STK24: variants seen among roughly 807,000 people sequenced by gnomAD.
STK24 encodes serine/threonine-protein kinase 24.
In STK24, 21 loss-of-function variants were observed where a neutral mutation model predicts 55.6. That is an observed-to-expected ratio of 0.38 (90% CI 0.27 to 0.54). The LOEUF is 0.54. Among genes scored for constraint, STK24 ranks in the 20% least tolerant of loss-of-function variants. The probability of loss-of-function intolerance (pLI) is 0.79; values close to 1 mark genes in which losing one functional copy is unlikely to be tolerated. For synonymous variants in STK24, 200 were observed against 215.2 expected (o/e 0.93, Z 0.62); for missense variants, 383 against 538.4 (o/e 0.71, Z 2.86).
chr13:98,575,561 G>A lies in STK24; in HGVS notation c.42+1184C>T, dbSNP rs140781473. Among the ~76,000 whole-genome samples the A allele has an allele frequency of 3.5e-3, 540 of 152,226 alleles. 2 individuals carry two copies. Among genetic ancestry groups the A allele is most frequent in the Non-Finnish European group, 5.9e-3 (404 of 68,008 alleles). ...TTTTTACGGTTTCAAAAAAAGAAGG[G>A]AGAGGGATGATCTCACTGGAAGAGG... On this transcript the variant is annotated intron_variant, in intron 1 of 10. Transcript: ENST00000539966.
chr13:98,508,874 A>G (rs1895784296), intron 2 of STK24: 1 of 151,120 alleles, frequency 6.6e-6, no homozygotes, highest in Non-Finnish European at 1.5e-5. Flanking sequence ...AGCTTTGCCA[A>G]TTTCAAAGCT....
At chr13:98,506,444 C>T (rs955954525) in intron 2 of STK24, among the ~76,000 whole-genome samples, 1 of 152,168 alleles carries the variant, frequency 6.6e-6, no homozygotes, top group Non-Finnish European at 1.5e-5. Context: ...GCAGTGCTAA[C>T]GAAGGAAGGT....
At chr13:98,472,349 C>G (rs988819391) in intron 5 of STK24, among the ~76,000 whole-genome samples, 19 of 152,192 alleles carry the variant, frequency 1.2e-4, no homozygotes, top group African/African-American at 4.6e-4. Flanking sequence ...GGAACTGGAA[C>G]TCTGAAGGGA....
chr13:98,502,224 T>C (rs1793339153), intron 2 of STK24, among the ~76,000 whole-genome samples: 1 of 152,138 alleles, frequency 6.6e-6, no homozygotes, highest in Admixed American at 6.5e-5. Context: ...AAAGAAGTTC[T>C]GGGTGCAGGG....
chr13:98,530,635 A>C (rs751813999), intron 1 of STK24, among the ~76,000 whole-genome samples: 2 of 152,160 alleles, frequency 1.3e-5, no homozygotes, highest in Non-Finnish European at 2.9e-5. Flanking sequence ...CAAGGGCACA[A>C]AAGAAGAACC....
intron 2 of STK24, among the ~76,000 whole-genome samples, chr13:98,508,508 C>T (rs796333816): frequency 1.3e-5 from 2 of 152,244 alleles, no homozygotes; most frequent in African/African-American, 4.8e-5. Context: ...ACTTACACCA[C>T]AAGCCCCACT....
rs550220274 is a variant in STK24, at chr13:98,482,576, C to T, written c.274-255G>A. Among the ~76,000 whole-genome samples, 5 of 152,172 alleles carry T rather than the reference C, an allele frequency of 3.3e-5. No homozygotes were observed. The South Asian group carries it at 8.3e-4, about 25-fold the overall frequency. Reference sequence around the variant, plus strand: ...TGACTCCCCAGGGCTCCAGGGCATGCGTTCCACCGACTGCCCCAGGATCTC... The same window carrying T: ...TGACTCCCCAGGGCTCCAGGGCATGTGTTCCACCGACTGCCCCAGGATCTC... On this transcript the variant is annotated intron_variant, in intron 2 of 10. Transcript: ENST00000539966.
intron 10 of STK24, 83 bp downstream of exon 10, chr13:98,457,085 A>G: frequency 6.6e-7 from 1 of 1,517,386 alleles, no homozygotes; most frequent in African/African-American, 1.4e-5. Flanking sequence ...CAGGCCAAGA[A>G]TCAAGTACCA....
At chr13:98,543,028 A>G (rs1896930412) in intron 1 of STK24, 1 of 985,142 alleles carries the variant, frequency 1.0e-6, no homozygotes, top group Admixed American at 6.2e-5. Context: ...AGGCCCAAAG[A>G]CTGAAGCCTC....
intron 1 of STK24, among the ~76,000 whole-genome samples, chr13:98,561,977 CAA>C (rs10564690): frequency 1.4e-3 from 75 of 53,604 alleles, no homozygotes; most frequent in African/African-American, 4.4e-3. Context: ...GACTCCGTCT[CAA>C]AAAAAAAAAA....
Position 98,447,852 on chromosome 13 carries a change from A to T in STK24, c.*5321T>A, listed in dbSNP as rs1892947454. 4.8e-6 allele frequency: 1 copy of T among 209,856 alleles called. No individual in the cohort carries two copies. Among genetic ancestry groups the T allele is most frequent in the African/African-American group, 2.4e-5 (1 of 42,514 alleles). The allele number at this position is 209,856 out of a possible 1,614,324, so 13.0% of individuals were successfully genotyped here. A position where few individuals can be genotyped will look rare whatever the true frequency, so the allele number is the denominator to read the frequency against. ...AGAGCCAGACCCTGTCTCAAAAAAAAAAGAAAAAGAAAAAAGGAAGGGAGA... is the reference window on the plus strand; with the variant it reads ...AGAGCCAGACCCTGTCTCAAAAAAATAAGAAAAAGAAAAAAGGAAGGGAGA... On this transcript the variant is annotated 3_prime_UTR_variant, in exon 11 of 11. Coordinates refer to ENST00000539966, the MANE Select transcript of STK24 (RefSeq NM_001032296.4).
intron 10 of STK24, 164 bp from the exon 11 acceptor site, chr13:98,453,373 T>C: frequency 1.5e-6 from 1 of 681,688 alleles, no homozygotes; most frequent in Non-Finnish European, 2.4e-6. Context: ...AGAATGCATA[T>C]AAAGACTGAG....
intron 7 of STK24, 81 bp from the exon 8 acceptor site, chr13:98,461,978 C>T (rs1177960622): frequency 1.3e-6 from 2 of 1,565,722 alleles, no homozygotes; most frequent in South Asian, 1.1e-5. Flanking sequence ...GGGAGGCCGC[C>T]TGGGGACCTC....
chr13:98,474,904 T>C lies in STK24; in HGVS notation c.514A>G (p.Thr172Ala). ...DFGVAGQLTD[T>A]QIKRNTFVGT... ...ACGAAGGTGTTCCTTTTGATCTGGGTGTCTGTCAGCTGGCCAGCCACGCCA... is the reference window on the plus strand; with the variant it reads ...ACGAAGGTGTTCCTTTTGATCTGGGCGTCTGTCAGCTGGCCAGCCACGCCA... Residue 172 changes from threonine (T) to alanine (A), a missense_variant, in exon 5 of 11, where the codon ACC (threonine) becomes GCC (alanine). Physicochemically the swap from Thr to Ala is moderately conservative, Grantham distance 58. Coordinates refer to ENST00000539966, the MANE Select transcript of STK24 (RefSeq NM_001032296.4). 6.2e-7 allele frequency: 1 copy of C among 1,614,000 alleles called. No individual in the cohort carries two copies. Among genetic ancestry groups the C allele is most frequent in the Non-Finnish European group, 8.5e-7 (1 of 1,179,976 alleles).
chr13:98,519,186 T>G lies in STK24; in HGVS notation c.273+57A>C, dbSNP rs1445488957. On this transcript the variant is annotated intron_variant, in intron 2 of 10. Transcript: ENST00000539966. The stretch of plus-strand genomic sequence containing the variant: ...TCCTATCAGAGTCCTTCCCATTCCC[T>G]GCTGGCACCTCAGCCAAGTGCTGCA... The G allele has an allele frequency of 2.2e-5, 32 of 1,428,748 alleles. No individual in the cohort carries two copies. In the East Asian group the frequency reaches 6.6e-4, roughly 29 times the overall value. 88.5% of individuals were successfully genotyped at this position (1,428,748 alleles called of 1,614,324 possible).
At chr13:98,484,052 C>G (rs1379963501) in intron 2 of STK24, among the ~76,000 whole-genome samples, 1 of 152,266 alleles carries the variant, frequency 6.6e-6, no homozygotes, top group Non-Finnish European at 1.5e-5. Context: ...CTCAGAGGGA[C>G]AGGCATGTCG....
At chr13:98,501,370 C>A (rs1218418286) in intron 2 of STK24, among the ~76,000 whole-genome samples, 2 of 150,718 alleles carry the variant, frequency 1.3e-5, no homozygotes, top group Non-Finnish European at 3.0e-5. Context: ...AGGGGTGGGG[C>A]GGGGGCCAGG....
chr13:98,574,248 T>C (rs570556811), intron 1 of STK24, among the ~76,000 whole-genome samples: 4 of 152,322 alleles, frequency 2.6e-5, no homozygotes, highest in Non-Finnish European at 4.4e-5. Context: ...CCTGACCTCA[T>C]GATCCGCCCA....
chr13:98,506,809 C>G (rs1220208331), intron 2 of STK24, among the ~76,000 whole-genome samples: 1 of 152,220 alleles, frequency 6.6e-6, no homozygotes, highest in East Asian at 1.9e-4. Context: ...CCAATAAATA[C>G]GGTGGCCGTG....
Sources: allele counts gnomAD v4.1 joint callset (sites outside exome capture counted in the v4.1 genomes callset), GRCh38; gene constraint gnomAD v4.1.1; transcripts MANE v1.5; gene names NCBI Gene and HGNC (gene_info 2026-07-23, HGNC 2026-07-21).